The following CAST variants were observed in gnomAD, a reference collection of about 807,000 sequenced individuals.
CAST encodes the protein calpastatin.
In CAST, 76 loss-of-function variants were observed where a neutral mutation model predicts 119.6. That is an observed-to-expected ratio of 0.64 (90% CI 0.53 to 0.77). The LOEUF (loss-of-function observed/expected upper bound fraction) is 0.77, where lower values mean the gene tolerates loss of function less well. Ranked by LOEUF, CAST falls within the 30% of genes least tolerant of loss-of-function variation. The pLI is 0.00. For missense variants in CAST, 953 were observed against 946.5 expected (o/e 1.01, Z -0.09); for synonymous variants, 319 against 331.6 (o/e 0.96, Z 0.41).
chr5:96,408,397 G>T, the CAST span: 1 of 1,044,416 alleles, frequency 9.6e-7, no homozygotes. Context: ...GGGGTTAACT[G>T]TACCAAAGGC....
At chr5:96,541,397 C>A (rs2117143) in intron 1 of CAST, among the ~76,000 whole-genome samples, 21,637 of 152,010 alleles carry the variant, frequency 0.14, 1,842 homozygotes, top group Non-Finnish European at 0.19. Context: ...TGCTCAGGTT[C>A]ATATTGCATA....
At chr5:96,237,376 G>C in the CAST span, among the ~76,000 whole-genome samples, 3 of 152,068 alleles carry the variant, frequency 2.0e-5, no homozygotes, top group Non-Finnish European at 2.9e-5. Context: ...AGCCTTTTTT[G>C]GGGGGAGTAG....
intron 1 of CAST, among the ~76,000 whole-genome samples, chr5:96,540,391 CAG>C (rs1319438751): frequency 6.6e-6 from 1 of 151,914 alleles, no homozygotes; most frequent in Non-Finnish European, 1.5e-5. Context: ...ATGTCTGAAA[CAG>C]TATTTATTTT....
At chr5:96,248,734 G>A in the CAST span, among the ~76,000 whole-genome samples, 1 of 152,184 alleles carries the variant, frequency 6.6e-6, no homozygotes, top group African/African-American at 2.4e-5. Context: ...ATATTATAAT[G>A]TGCCAACTTT....
At chr5:96,440,162 T>C in the CAST span, among the ~76,000 whole-genome samples, 1 of 144,340 alleles carries the variant, frequency 6.9e-6, no homozygotes, top group Non-Finnish European at 1.5e-5. Context: ...TCTGCAATTA[T>C]GTTTATCCCA....
the CAST span, among the ~76,000 whole-genome samples, chr5:96,022,430 A>G: frequency 3.3e-5 from 5 of 152,218 alleles, no homozygotes; most frequent in African/African-American, 9.7e-5. Context: ...AAAAAATATT[A>G]TAGTAAAAGC....
At chr5:96,359,014 G>A in the CAST span, among the ~76,000 whole-genome samples, 1 of 152,082 alleles carries the variant, frequency 6.6e-6, no homozygotes, top group South Asian at 2.1e-4. Flanking sequence ...ATGAATCTGG[G>A]TGCTCCTTTA....
At chr5:96,568,546 CAG>C (rs557105853) in intron 1 of CAST, among the ~76,000 whole-genome samples, 3 of 113,876 alleles carry the variant, frequency 2.6e-5, no homozygotes, top group South Asian at 5.9e-4. Flanking sequence ...GCCTGGGCGA[CAG>C]AGCGAGACTC....
chr5:96,534,361 T>C (rs1745743006), intron 1 of CAST, among the ~76,000 whole-genome samples: 1 of 152,038 alleles, frequency 6.6e-6, no homozygotes, highest in Non-Finnish European at 1.5e-5. Context: ...AGGTAACCTT[T>C]AAGAAACCGT....
At chr5:96,754,191 T>C in intron 21 of CAST, 30 bp downstream of exon 21, 1 of 1,253,676 alleles carries the variant, frequency 8.0e-7, no homozygotes, top group Non-Finnish European at 1.2e-6. Context: ...TTCTGGAAAA[T>C]AAATATCATT....
intron 25 of CAST, chr5:96,762,989 A>G: frequency 1.6e-6 from 1 of 623,476 alleles, no homozygotes; most frequent in South Asian, 1.8e-5. Context: ...TCACCTGTGC[A>G]ATACCAAATT....
At chr5:96,011,612 T>G in the CAST span, among the ~76,000 whole-genome samples, 1 of 152,318 alleles carries the variant, frequency 6.6e-6, no homozygotes, top group South Asian at 2.1e-4. Context: ...TACCACACTG[T>G]CTATTGTAAG....
At chr5:96,734,059 T>C (rs1413625125) in intron 9 of CAST, among the ~76,000 whole-genome samples, 2 of 152,106 alleles carry the variant, frequency 1.3e-5, no homozygotes, top group Admixed American at 1.3e-4. Flanking sequence ...TCTATCTAAT[T>C]CAGGGAATCC....
the CAST span, among the ~76,000 whole-genome samples, chr5:96,401,194 G>A: frequency 2.6e-5 from 4 of 152,070 alleles, no homozygotes; most frequent in African/African-American, 9.7e-5. Context: ...AACGCATTGT[G>A]GGAGTTTAGA....
the CAST span, among the ~76,000 whole-genome samples, chr5:96,012,739 T>A: frequency 6.6e-6 from 1 of 152,216 alleles, no homozygotes; most frequent in Non-Finnish European, 1.5e-5. Context: ...TCCCCAAATT[T>A]ATACTTTTGC....
At chr5:96,063,608 A>G in the CAST span, among the ~76,000 whole-genome samples, 3 of 152,196 alleles carry the variant, frequency 2.0e-5, no homozygotes, top group Admixed American at 6.5e-5. Flanking sequence ...AGCAAAGAGC[A>G]GAGACCCCAT....
intron 1 of CAST, among the ~76,000 whole-genome samples, chr5:96,567,973 C>G (rs1746503631): frequency 6.6e-6 from 1 of 152,216 alleles, no homozygotes; most frequent in Non-Finnish European, 1.5e-5. Flanking sequence ...AGGCAGGATG[C>G]CTTCTTTGTC....
chr5:96,040,021 A>G, the CAST span, among the ~76,000 whole-genome samples: 3 of 152,146 alleles, frequency 2.0e-5, no homozygotes, highest in Non-Finnish European at 4.4e-5. Context: ...ATGTTTTTAC[A>G]TTTGTTTGTG....
the CAST span, among the ~76,000 whole-genome samples, chr5:96,484,731 C>A: frequency 3.4e-5 from 5 of 146,266 alleles, no homozygotes; most frequent in African/African-American, 1.3e-4. Context: ...TGAACTCCAA[C>A]GAGCTCATAA....
Sources: gnomAD v4.1 joint callset for allele counts (sites outside exome capture counted in the v4.1 genomes callset) on GRCh38, gnomAD v4.1.1 for gene constraint, MANE v1.5 for transcripts, NCBI Gene and HGNC (gene_info 2026-07-23, HGNC 2026-07-21) for gene names.